The following IKBIP variants were observed in gnomAD, a reference collection of about 807,000 sequenced individuals.
IKBIP encodes the protein IKBKB interacting protein, also known as inhibitor of nuclear factor kappa-B kinase-interacting protein.
In IKBIP, 28 loss-of-function variants were observed where a neutral mutation model predicts 31.0. The observed-to-expected ratio is 0.90, with a 90% CI of 0.67 to 1.24. The LOEUF is 1.24. Ranked by LOEUF, IKBIP falls within the 50% of genes most tolerant of loss-of-function variation. IKBIP has a pLI of 0.00. For synonymous variants in IKBIP, 164 were observed against 160.3 expected (o/e 1.02, Z -0.17); for missense variants, 453 against 441.9 (o/e 1.03, Z -0.23).
intron 1 of IKBIP, among the ~76,000 whole-genome samples, chr12:98,642,369 CA>C (rs140602084): frequency 0.03 from 4,608 of 152,094 alleles, 222 homozygotes; most frequent in African/African-American, 0.11. Flanking sequence ...AGGCTGGTCT[CA>C]AATTCCTGAC....
exon 3 of IKBIP, chr12:98,613,907 T>C (rs139404302): frequency 1.5e-5 from 25 of 1,613,694 alleles, no homozygotes; most frequent in Non-Finnish European, 2.1e-5. Flanking sequence ...GGTTAGCGTC[T>C]TCTTAACAGA....
At chr12:98,615,900 T>C (rs2153293342) in intron 2 of IKBIP, among the ~76,000 whole-genome samples, 1 of 152,086 alleles carries the variant, frequency 6.6e-6, no homozygotes, top group East Asian at 1.9e-4. Context: ...CATCTGTTGA[T>C]TGACACTTAG....
intron 1 of IKBIP, among the ~76,000 whole-genome samples, 180 bp downstream of exon 1, chr12:98,644,343 G>A (rs185699523): frequency 1.3e-5 from 2 of 152,300 alleles, no homozygotes; most frequent in Admixed American, 1.3e-4. Context: ...TGAGATACAA[G>A]AAACGCCCGA....
chr12:98,617,902 T>G, intron 2 of IKBIP, among the ~76,000 whole-genome samples: 1 of 152,228 alleles, frequency 6.6e-6, no homozygotes, highest in East Asian at 1.9e-4. Context: ...TGTTGTAAAG[T>G]AGGAAATTAT....
intron 2 of IKBIP, among the ~76,000 whole-genome samples, chr12:98,616,996 T>C (rs1200297683): frequency 1.3e-5 from 2 of 152,186 alleles, no homozygotes. Flanking sequence ...TTATAGCAAA[T>C]GCTAGAATGA....
At chr12:98,636,915 G>T (rs2097626205) in intron 1 of IKBIP, among the ~76,000 whole-genome samples, 1 of 150,030 alleles carries the variant, frequency 6.7e-6, no homozygotes, top group African/African-American at 2.4e-5. Flanking sequence ...TCCCTGCCAG[G>T]GGGGAAAAAA....
rs1442474776 is a variant in IKBIP, at chr12:98,626,458, T to C, written c.606A>G (p.Leu202=). ...EQEIKLLTER[L]KDLEDSTLRN... ...TTAGTGTGCTATCTTCCAAATCTTT[T>C]AGCCGTTCAGTGAGCAATTTTATTT... Residue 202 remains leucine (L), a synonymous_variant, in exon 3 of 3, where the codon CTA becomes CTG. Coordinates refer to ENST00000299157, the MANE Select transcript of IKBIP (RefSeq NM_153687.4). 23 of 1,613,300 alleles carry C rather than the reference T, an allele frequency of 1.4e-5. No homozygotes were observed. Among genetic ancestry groups the C allele is most frequent in the Non-Finnish European group, 1.9e-5 (23 of 1,180,042 alleles).
At chr12:98,614,693 A>G (rs975484832) in intron 2 of IKBIP, among the ~76,000 whole-genome samples, 1 of 151,970 alleles carries the variant, frequency 6.6e-6, no homozygotes, top group Non-Finnish European at 1.5e-5. Flanking sequence ...TCCTAAATCC[A>G]TGCCTGGGAT....
At chr12:98,639,044 T>G (rs76249476) in intron 1 of IKBIP, among the ~76,000 whole-genome samples, 3,687 of 152,250 alleles carry the variant, frequency 0.024, 136 homozygotes, top group African/African-American at 0.085. Context: ...GTGGCCCCTT[T>G]TTTTTCTCTT....
exon 3 of IKBIP, chr12:98,614,326 T>G: frequency 6.4e-7 from 1 of 1,550,592 alleles, no homozygotes; most frequent in Non-Finnish European, 8.7e-7. Context: ...CCATGATAGC[T>G]TCAGATTTCT....
chr12:98,642,944 T>C (rs1326059912), intron 1 of IKBIP, among the ~76,000 whole-genome samples: 1 of 150,862 alleles, frequency 6.6e-6, no homozygotes, highest in Non-Finnish European at 1.5e-5. Flanking sequence ...CACTTTATTG[T>C]GACAAAATTT....
At chr12:98,618,130 A>G (rs972517109) in intron 2 of IKBIP, among the ~76,000 whole-genome samples, 1 of 152,170 alleles carries the variant, frequency 6.6e-6, no homozygotes, top group Non-Finnish European at 1.5e-5. Flanking sequence ...GATTGTGCCT[A>G]TGAATACCAA....
chr12:98,642,100 C>T (rs2097631032), intron 1 of IKBIP, among the ~76,000 whole-genome samples: 1 of 152,108 alleles, frequency 6.6e-6, no homozygotes. Context: ...AATTTTATTC[C>T]CATAAAGTTT....
rs960738286 is a variant in IKBIP, at chr12:98,626,270, T to C, written c.794A>G (p.Lys265Arg). 4 of 1,614,062 alleles carry C rather than the reference T, an allele frequency of 2.5e-6. No homozygotes were observed. In the Admixed American group the frequency reaches 5.0e-5, roughly 20 times the overall value. Residue 265 changes from lysine (K) to arginine (R), a missense_variant, in exon 3 of 3, where the codon AAA becomes AGA. Physicochemically the swap from Lys to Arg is conservative, Grantham distance 26. Transcript: ENST00000299157. ...LTNKLSDYEPKVEECKTHLPT... is the reference protein window; with the variant it reads ...LTNKLSDYEPRVEECKTHLPT... Reference sequence around the variant, plus strand: ...CAAATGTGTCTTGCATTCTTCAACTTTGGGTTCGTAGTCGGAAAGTTTATT... The same window carrying C: ...CAAATGTGTCTTGCATTCTTCAACTCTGGGTTCGTAGTCGGAAAGTTTATT...
intron 2 of IKBIP, among the ~76,000 whole-genome samples, chr12:98,615,721 A>G (rs2097605912): frequency 1.3e-5 from 2 of 152,162 alleles, no homozygotes; most frequent in Admixed American, 6.5e-5. Context: ...TGACTTTTCT[A>G]GATTCCACAT....
chr12:98,627,452 TTTTTGAGACGGAGTCTCGCTCTGTC>T (rs2097615679), intron 2 of IKBIP, among the ~76,000 whole-genome samples: 1 of 149,772 alleles, frequency 6.7e-6, no homozygotes, highest in African/African-American at 2.4e-5. Flanking sequence ...TTTTTTTTTT[TTTTTGAGACGGAGTCTCGCTCTGTC>T]GCCCAGGCTG....
chr12:98,624,865 C>A lies in IKBIP; in HGVS notation c.*1065G>T. Reference sequence around the variant, plus strand: ...TGCCACTCAGGCTGGAGTGCAGTGGCGCGATCTCGGCTCACTGCAAGCTCT... The same window carrying A: ...TGCCACTCAGGCTGGAGTGCAGTGGAGCGATCTCGGCTCACTGCAAGCTCT... On this transcript the variant is annotated 3_prime_UTR_variant, in exon 3 of 3. Transcript: ENST00000299157. 7.8e-6 allele frequency: 4 copies of A among 510,168 alleles called. No homozygotes were observed. Among genetic ancestry groups the A allele is most frequent in the Non-Finnish European group, 1.0e-5 (4 of 396,194 alleles). The allele number at this position is 510,168 out of a possible 1,614,324, so 31.6% of individuals were successfully genotyped here. A position where few individuals can be genotyped will look rare whatever the true frequency, so the allele number is the denominator to read the frequency against.
rs755559389 is a variant in IKBIP at position 98,626,145 on chromosome 12, T to C, written c.919A>G (p.Met307Val). 1.2e-6 allele frequency: 2 copies of C among 1,611,664 alleles called. No individual in the cohort carries two copies. Among genetic ancestry groups the C allele is most frequent in the East Asian group, 2.2e-5 (1 of 44,836 alleles). ...MEDLTMQMFN[M>V]EDDMLKAVSE... The stretch of plus-strand genomic sequence containing the variant: ...ACTGCTTTCAGCATATCATCTTCCA[T>C]ATTAAACATCTGCATAGTCAAGTCT... The change falls in exon 3 of 3, where the codon ATG becomes GTG. Residue 307 changes from methionine (M) to valine (V), a missense_variant. Transcript: ENST00000299157.
rs752553685 is a variant in IKBIP, at chr12:98,614,011, AT to A, written c.626del (p.Asn209IlefsTer3). The A allele has an allele frequency of 1.9e-6, 3 of 1,609,458 alleles. No homozygotes were observed. The South Asian group carries it at 3.3e-5, about 18-fold the overall frequency. On this transcript the variant is annotated frameshift_variant, in exon 3 of 3. Coordinates refer to the IKBIP transcript ENST00000342502. LOFTEE classifies it high-confidence loss of function. ...GAAGATCACCTATATTTTTTACTGT[AT>A]TTTTTTCTACTTTCTCTATTTTATT...
Sources: gnomAD v4.1 joint callset for allele counts (sites outside exome capture counted in the v4.1 genomes callset) on GRCh38, gnomAD v4.1.1 for gene constraint, MANE v1.5 for transcripts, NCBI Gene and HGNC (gene_info 2026-07-23, HGNC 2026-07-21) for gene names.